The following CTPS2 variants were observed in gnomAD, a reference collection of about 807,000 sequenced individuals.
CTPS2 encodes CTP synthase II.
A neutral mutation model predicts 46.8 loss-of-function variants in CTPS2; 19 were observed. The ratio of observed to expected loss-of-function variants is 0.41; its 90% confidence interval spans 0.28 to 0.60. CTPS2 has a LOEUF of 0.60. Ranked by LOEUF, CTPS2 falls within the 20% of genes least tolerant of loss-of-function variation. The probability of loss-of-function intolerance (pLI) is 0.35; values close to 1 mark genes in which losing one functional copy is unlikely to be tolerated. For synonymous variants in CTPS2, 151 were observed against 165.2 expected (o/e 0.91, Z 0.66); for missense variants, 286 against 447.6 (o/e 0.64, Z 3.26).
chrX:16,610,089 G>A (rs1930187392), intron 16 of CTPS2, among the ~76,000 whole-genome samples: 1 of 111,356 alleles, frequency 9.0e-6, no homozygotes, highest in African/African-American at 3.3e-5. Flanking sequence ...TCCTTTCCCA[G>A]GGTAAGTGTC....
At chrX:16,602,945 G>T (rs1929748386) in intron 17 of CTPS2, among the ~76,000 whole-genome samples, 1 of 111,244 alleles carries the variant, frequency 9.0e-6, no homozygotes, top group Non-Finnish European at 1.9e-5. Context: ...AAGGCCAGTG[G>T]GTGCCCTTTC....
chrX:16,629,022 CTCTG>C (rs1931321510), intron 14 of CTPS2, among the ~76,000 whole-genome samples: 1 of 112,287 alleles, frequency 8.9e-6, no homozygotes, highest in African/African-American at 3.2e-5. Context: ...GCGCTCTTAT[CTCTG>C]TCTTTCAGAT....
intron 14 of CTPS2, among the ~76,000 whole-genome samples, chrX:16,633,488 G>A (rs1007944062): frequency 2.7e-5 from 3 of 111,632 alleles, no homozygotes; most frequent in East Asian, 2.8e-4. Context: ...AACTTTCAGC[G>A]CCCATAGATA....
At chrX:16,660,961 A>ATT (rs375215374) in intron 13 of CTPS2, among the ~76,000 whole-genome samples, 24 of 97,726 alleles carry the variant, frequency 2.5e-4, no homozygotes, top group African/African-American at 5.2e-4. Context: ...TTATAGCTGC[A>ATT]TTTTTTTTTT....
intron 13 of CTPS2, among the ~76,000 whole-genome samples, chrX:16,656,556 C>T (rs1387700351): frequency 2.7e-5 from 3 of 110,856 alleles, no homozygotes; most frequent in Non-Finnish European, 5.7e-5. Context: ...ACTACAGGTG[C>T]CCGCCACCAC....
At chrX:16,704,870 C>A (rs1359059513) in intron 1 of CTPS2, among the ~76,000 whole-genome samples, 1 of 108,271 alleles carries the variant, frequency 9.2e-6, no homozygotes, top group Non-Finnish European at 1.9e-5. Flanking sequence ...ATCGCTTGAA[C>A]CTGGGAGGCA....
At chrX:16,620,451 A>G in intron 14 of CTPS2, 119 bp from the exon 15 acceptor site, 1 of 486,568 alleles carries the variant, frequency 2.1e-6, no homozygotes, top group Admixed American at 3.3e-5. Context: ...CTAAAAATGA[A>G]CTAATAGACT....
chrX:16,647,520 G>A (rs1404265744), intron 13 of CTPS2, among the ~76,000 whole-genome samples: 3 of 108,624 alleles, frequency 2.8e-5, no homozygotes, highest in South Asian at 8.1e-4. Flanking sequence ...CGCCCACCTC[G>A]GCCTCCCAAA....
chrX:16,634,380 G>A (rs1409119718), intron 14 of CTPS2, among the ~76,000 whole-genome samples: 1 of 111,301 alleles, frequency 9.0e-6, no homozygotes, highest in Non-Finnish European at 1.9e-5. Context: ...TCATTTCTAA[G>A]GACCCTTGAA....
chrX:16,665,908 G>A (rs1320852816), intron 13 of CTPS2, among the ~76,000 whole-genome samples: 1 of 111,030 alleles, frequency 9.0e-6, no homozygotes, highest in Non-Finnish European at 1.9e-5. Flanking sequence ...GCACCAGCAC[G>A]CCCAGCTAAT....
intron 17 of CTPS2, among the ~76,000 whole-genome samples, chrX:16,601,043 A>G (rs1403252578): frequency 9.0e-6 from 1 of 111,531 alleles, no homozygotes; most frequent in Admixed American, 9.5e-5. Flanking sequence ...CTACTTGTCA[A>G]TAGTGTCCCC....
chrX:16,651,877 G>A (rs1167744718), intron 13 of CTPS2, among the ~76,000 whole-genome samples: 1 of 111,336 alleles, frequency 9.0e-6, no homozygotes, highest in Non-Finnish European at 1.9e-5. Flanking sequence ...CAGGACACTT[G>A]CCAAGGATGG....
rs755522253 is a variant in CTPS2, at chrX:16,639,104, C to T, written c.1393+43G>A. 8 of 1,056,838 alleles carry T rather than the reference C, an allele frequency of 7.6e-6. No individual in the cohort carries two copies. The Admixed American group carries it at 1.8e-4, about 23-fold the overall frequency. 87.1% of individuals were successfully genotyped at this position (1,056,838 alleles called of 1,213,427 possible). ...TGCTGGGCACCTGCAGTCACATGAG[C>T]CACATCCAACATCTTGTAAAATAAA... On this transcript the variant is annotated intron_variant, in intron 14 of 18. Transcript: ENST00000359276.
intron 10 of CTPS2, among the ~76,000 whole-genome samples, chrX:16,676,353 C>T (rs1922271322): frequency 9.0e-6 from 1 of 111,385 alleles, no homozygotes; most frequent in Admixed American, 9.6e-5. Flanking sequence ...GGTCCAGGAG[C>T]CTCAAGTTAT....
chrX:16,628,873 TG>T (rs1283623416), intron 14 of CTPS2, among the ~76,000 whole-genome samples: 2 of 112,017 alleles, frequency 1.8e-5, no homozygotes, highest in Non-Finnish European at 3.8e-5. Flanking sequence ...AACCGACGTT[TG>T]CCCCAAGCTT....
chrX:16,647,252 A>ATTTTTTTT (rs1932363451), intron 13 of CTPS2, among the ~76,000 whole-genome samples: 2 of 53,797 alleles, frequency 3.7e-5, no homozygotes, highest in African/African-American at 1.6e-4. Context: ...CATTGGGCCC[A>ATTTTTTTT]TTCTTTTTTT....
intron 9 of CTPS2, among the ~76,000 whole-genome samples, chrX:16,682,622 G>A (rs1407501614): frequency 8.9e-6 from 1 of 112,105 alleles, no homozygotes; most frequent in Non-Finnish European, 1.9e-5. Context: ...GAACTGATAG[G>A]AGAAGCTCAC....
intron 14 of CTPS2, among the ~76,000 whole-genome samples, chrX:16,637,344 A>G (rs1261335158): frequency 4.5e-5 from 5 of 111,537 alleles, no homozygotes. Context: ...TCAGCCTCCC[A>G]AGTGGCTGGG....
In CTPS2 at chrX:16,653,953, C is replaced by T. The variant is rs187845361; in HGVS notation, c.1296+13561G>A. On this transcript the variant is annotated intron_variant, in intron 13 of 18. Transcript: ENST00000359276. ...CGGAAGGATTACAGAAGGAGCCCTC[C>T]CTGCCTGCTGCCTCATGTAATATGT... 2.7e-5 allele frequency among the ~76,000 whole-genome samples: 3 copies of T among 111,058 alleles called. No homozygotes were observed. The East Asian group carries it at 8.5e-4, about 31-fold the overall frequency.
Sources: gnomAD v4.1 joint callset for allele counts (sites outside exome capture counted in the v4.1 genomes callset) on GRCh38, gnomAD v4.1.1 for gene constraint, MANE v1.5 for transcripts, NCBI Gene and HGNC (gene_info 2026-07-23, HGNC 2026-07-21) for gene names.